GPATCH8: variants seen among roughly 807,000 people sequenced by gnomAD.
GPATCH8 encodes G patch domain-containing protein 8.
Under a neutral mutation model 118.3 loss-of-function variants are expected in GPATCH8, and 18 were observed. The ratio of observed to expected loss-of-function variants is 0.15; its 90% CI spans 0.11 to 0.23. The LOEUF (loss-of-function observed/expected upper bound fraction) is 0.23. Ranked by LOEUF, GPATCH8 falls within the 10% of genes least tolerant of loss-of-function variation. GPATCH8 has a pLI of 1.00. For missense variants in GPATCH8, 1,631 were observed against 1,873.8 expected, an observed-to-expected ratio of 0.87 and a Z score of 2.39; for synonymous variants, 659 against 684.7, an observed-to-expected ratio of 0.96 and a Z score of 0.59.
At chr17:44,428,555 C>T (rs1186926480) in intron 5 of GPATCH8, among the ~76,000 whole-genome samples, 2 of 151,422 alleles carry the variant, frequency 1.3e-5, no homozygotes, top group African/African-American at 2.4e-5. Context: ...GTAATCCCAG[C>T]ACTTTGGGAG....
At chr17:44,463,996 A>G (rs896841959) in intron 3 of GPATCH8, among the ~76,000 whole-genome samples, 1 of 152,112 alleles carries the variant, frequency 6.6e-6, no homozygotes, top group Non-Finnish European at 1.5e-5. Flanking sequence ...CTTCTCTACC[A>G]CTACATAAAT....
intron 3 of GPATCH8, among the ~76,000 whole-genome samples, chr17:44,462,928 C>G (rs976404879): frequency 6.6e-6 from 1 of 152,052 alleles, no homozygotes; most frequent in Non-Finnish European, 1.5e-5. Context: ...TGGCAATGAG[C>G]CGAGATCGCG....
intron 1 of GPATCH8, among the ~76,000 whole-genome samples, chr17:44,483,242 ACACT>A (rs1257940546): frequency 9.1e-6 from 1 of 109,490 alleles, no homozygotes; most frequent in Non-Finnish European, 1.8e-5. Context: ...TATCTCTTAG[ACACT>A]CATTTCTTTT....
At position 44,425,511 on chromosome 17, in the gene GPATCH8, C is replaced by T. The variant is rs114154102; in HGVS notation, c.349-1019G>A. Reference sequence around the variant, plus strand: ...CTATCTAATCCTTCACAATAATTTTCTTTGACAGTCCCGGACAGTTTCATG... The same window carrying T: ...CTATCTAATCCTTCACAATAATTTTTTTTGACAGTCCCGGACAGTTTCATG... On this transcript the variant is annotated intron_variant, in intron 5 of 7. Coordinates refer to ENST00000591680, the MANE Select transcript of GPATCH8 (RefSeq NM_001002909.4). Among the ~76,000 whole-genome samples, 635 of 152,254 alleles carry T rather than the reference C, an allele frequency of 4.2e-3. 2 individuals carry two copies. The highest frequency in any genetic ancestry group is 0.014 in the African/African-American group (594 of 41,538).
rs1308207964 is a variant in GPATCH8 at position 44,397,134 on chromosome 17, T to C, written c.*434A>G. The C allele has an allele frequency of 6.6e-6, 3 of 456,160 alleles. No homozygotes were observed. The highest frequency in any genetic ancestry group is 4.0e-5 in the African/African-American group (2 of 50,056). 28.3% of individuals were successfully genotyped at this position (456,160 alleles called of 1,614,324 possible). ...AACAGCTTGGCCTTCCCTGTGGCGC[T>C]GAGAAGGCAAGACCAGATGGGCCCA... On this transcript the variant is annotated 3_prime_UTR_variant, in exon 8 of 8. Coordinates refer to ENST00000591680, the MANE Select transcript of GPATCH8 (RefSeq NM_001002909.4).
At chr17:44,482,573 C>G (rs77647726) in intron 1 of GPATCH8, among the ~76,000 whole-genome samples, 1 of 97,086 alleles carries the variant, frequency 1.0e-5, no homozygotes, top group Non-Finnish European at 2.1e-5. Context: ...GACTCCATCT[C>G]AAAAAAAAAA....
intron 2 of GPATCH8, among the ~76,000 whole-genome samples, chr17:44,469,339 T>C (rs1035566331): frequency 2.6e-4 from 39 of 152,194 alleles, no homozygotes; most frequent in African/African-American, 8.0e-4. Context: ...TTCTGCTCCA[T>C]GAAGCTGTAT....
intron 6 of GPATCH8, among the ~76,000 whole-genome samples, chr17:44,420,479 GC>G (rs2049857080): frequency 6.6e-6 from 1 of 152,124 alleles, no homozygotes; most frequent in Non-Finnish European, 1.5e-5. Context: ...GATGTTACCA[GC>G]ATTGCTGGCC....
intron 5 of GPATCH8, among the ~76,000 whole-genome samples, chr17:44,426,475 T>C (rs557662907): frequency 4.6e-5 from 7 of 151,912 alleles, no homozygotes; most frequent in Non-Finnish European, 8.8e-5. Context: ...ATGGTGTCAC[T>C]TGCCTTTGGT....
chr17:44,471,976 CTTCT>C (rs1351631680), intron 2 of GPATCH8, among the ~76,000 whole-genome samples: 4 of 150,000 alleles, frequency 2.7e-5, no homozygotes, highest in African/African-American at 9.7e-5. Flanking sequence ...TGTGTCAATA[CTTCT>C]TTTTTTTTTT....
Position 44,489,568 on chromosome 17 carries a change from G to A in GPATCH8, c.45+13758C>T, listed in dbSNP as rs536844776. 4.3e-4 allele frequency among the ~76,000 whole-genome samples: 66 copies of A among 152,192 alleles called. 1 individual carries two copies. Among genetic ancestry groups the A allele is most frequent in the African/African-American group, 1.5e-3 (63 of 41,522 alleles). ...TTGGCCAGGCTGGTCTTGAACTCCCGACCTCAGGTGATCCGCCCGCCTCGG... is the reference window on the plus strand; with the variant it reads ...TTGGCCAGGCTGGTCTTGAACTCCCAACCTCAGGTGATCCGCCCGCCTCGG... On this transcript the variant is annotated intron_variant, in intron 1 of 7. Coordinates refer to ENST00000591680, the MANE Select transcript of GPATCH8 (RefSeq NM_001002909.4).
chr17:44,420,358 C>T (rs1228888552), intron 6 of GPATCH8, among the ~76,000 whole-genome samples: 2 of 152,150 alleles, frequency 1.3e-5, no homozygotes, highest in African/African-American at 4.8e-5. Flanking sequence ...ACCACAATAT[C>T]ATATATATAC....
chr17:44,481,995 G>A (rs974615267), intron 1 of GPATCH8, among the ~76,000 whole-genome samples: 14 of 151,932 alleles, frequency 9.2e-5, no homozygotes, highest in Admixed American at 9.2e-4. Context: ...GGTAGTACAC[G>A]CCTGATATCC....
rs879835344 is a variant in GPATCH8 at position 44,413,621 on chromosome 17, G to GCA, written c.493-7571_493-7570insTG. Among the ~76,000 whole-genome samples the GCA allele has an allele frequency of 7.4e-3, 1,127 of 152,150 alleles. 9 individuals are homozygous for GCA. Among genetic ancestry groups the GCA allele is most frequent in the Non-Finnish European group, 0.013 (868 of 67,996 alleles). ...CTCCTGAGAAGCTGGGACCATAGAT[G>GCA]CGTGCCACCACACCGGGCTAATTTT... is the stretch of plus-strand genomic sequence containing the variant. On this transcript the variant is annotated intron_variant, in intron 6 of 7. Coordinates refer to ENST00000591680, the MANE Select transcript of GPATCH8 (RefSeq NM_001002909.4).
rs3065774 is a variant in GPATCH8 at position 44,414,058 on chromosome 17, CATATAT to C, written c.493-8013_493-8008del. On this transcript the variant is annotated intron_variant, in intron 6 of 7. Coordinates refer to ENST00000591680, the MANE Select transcript of GPATCH8 (RefSeq NM_001002909.4). ...AGCACCAAGTATGCCTGCTTTAAGGCATATATATATATATATATATATGTGTGTGTA... is the reference window on the plus strand; with the variant it reads ...AGCACCAAGTATGCCTGCTTTAAGGCATATATATATATATATGTGTGTGTA... Among the ~76,000 whole-genome samples, 1,003 of 138,284 alleles carry C rather than the reference CATATAT, an allele frequency of 7.3e-3. 11 individuals are homozygous for C. The highest frequency in any genetic ancestry group is 0.023 in the African/African-American group (877 of 37,480). 90.7% of individuals were successfully genotyped at this position (138,284 alleles called of 152,430 possible). A position where few individuals can be genotyped will look rare whatever the true frequency, so the allele number is the denominator to read the frequency against.
intron 3 of GPATCH8, among the ~76,000 whole-genome samples, chr17:44,451,323 C>T (rs1005602179): frequency 6.6e-6 from 1 of 152,086 alleles, no homozygotes; most frequent in Non-Finnish European, 1.5e-5. Context: ...GAACTCCTAG[C>T]CTCAAGTGAT....
chr17:44,430,721 C>A (rs1022580377), intron 5 of GPATCH8, among the ~76,000 whole-genome samples: 1 of 151,850 alleles, frequency 6.6e-6, no homozygotes, highest in African/African-American at 2.4e-5. Context: ...TGGCTCACTG[C>A]AACCTCCGCC....
At chr17:44,417,252 GT>G (rs1324877688) in intron 6 of GPATCH8, among the ~76,000 whole-genome samples, 7 of 152,082 alleles carry the variant, frequency 4.6e-5, no homozygotes, top group Non-Finnish European at 7.4e-5. Flanking sequence ...GATGCAAACA[GT>G]TTAGACAAGG....
At chr17:44,456,405 C>A (rs2051331838) in intron 3 of GPATCH8, among the ~76,000 whole-genome samples, 1 of 152,218 alleles carries the variant, frequency 6.6e-6, no homozygotes, top group Non-Finnish European at 1.5e-5. Context: ...CATGAGCCAC[C>A]ACACCAGGCC....
Sources: allele counts gnomAD v4.1 joint callset (sites outside exome capture counted in the v4.1 genomes callset), GRCh38; gene constraint gnomAD v4.1.1; transcripts MANE v1.5; gene names NCBI Gene and HGNC (gene_info 2026-07-23, HGNC 2026-07-21).